Variants in DNAAF4 observed in about 807,000 individuals in gnomAD.
The protein encoded by DNAAF4 is dynein assembly factor 4, axonemal.
Under a neutral mutation model 51.8 loss-of-function variants are expected in DNAAF4, and 43 were observed. The ratio of observed to expected loss-of-function variants is 0.83; its 90% confidence interval spans 0.65 to 1.07. DNAAF4 has a LOEUF of 1.07. Among genes scored for constraint, DNAAF4 ranks in the 50% least tolerant of loss-of-function variants. The pLI, the probability that DNAAF4 is intolerant of heterozygous loss-of-function variation, is 0.00. For missense variants in DNAAF4, 581 were observed against 493.0 expected, an observed-to-expected ratio of 1.18 and a Z score of -1.69; for synonymous variants, 194 against 165.6, an observed-to-expected ratio of 1.17 and a Z score of -1.32.
chr15:55,505,298 G>A (rs950919830), intron 1 of DNAAF4, among the ~76,000 whole-genome samples: 2 of 152,152 alleles, frequency 1.3e-5, no homozygotes, highest in Non-Finnish European at 2.9e-5. Context: ...GGAGAAATAG[G>A]AACACTTTTA....
At chr15:55,455,387 AAT>A (rs10688653) in intron 5 of DNAAF4, among the ~76,000 whole-genome samples, 6,777 of 127,310 alleles carry the variant, frequency 0.053, 235 homozygotes, top group Non-Finnish European at 0.074. Flanking sequence ...TAGCAAATTG[AAT>A]ATATATATAT....
chr15:55,501,780 C>G (rs921143506), intron 1 of DNAAF4, among the ~76,000 whole-genome samples: 1 of 151,844 alleles, frequency 6.6e-6, no homozygotes, highest in Non-Finnish European at 1.5e-5. Flanking sequence ...GGGTGGCTCA[C>G]GCCTGTAATC....
At chr15:55,477,391 T>C (rs1188696089) in intron 4 of DNAAF4, among the ~76,000 whole-genome samples, 1 of 152,126 alleles carries the variant, frequency 6.6e-6, no homozygotes, top group Admixed American at 6.6e-5. Context: ...GAAATAATGA[T>C]TTTTAATGTA....
At chr15:55,497,160 TG>T (rs1242052557) in intron 3 of DNAAF4, among the ~76,000 whole-genome samples, 3 of 152,154 alleles carry the variant, frequency 2.0e-5, no homozygotes, top group South Asian at 2.1e-4. Flanking sequence ...TCTCACCGCT[TG>T]GGGGGTATTC....
At chr15:55,485,648 A>C (rs995946774) in intron 4 of DNAAF4, among the ~76,000 whole-genome samples, 4 of 152,210 alleles carry the variant, frequency 2.6e-5, no homozygotes, top group African/African-American at 9.6e-5. Context: ...ATGATAAAAA[A>C]AAAATTCAAG....
chr15:55,465,389 T>TAAAC (rs200097648), intron 5 of DNAAF4, among the ~76,000 whole-genome samples: 1 of 128,498 alleles, frequency 7.8e-6, no homozygotes, highest in Non-Finnish European at 1.6e-5. Context: ...ATATGGTGTA[T>TAAAC]ATATACACAC....
chr15:55,429,290 C>G (rs144379633), downstream of DNAAF4, among the ~76,000 whole-genome samples: 3 of 148,634 alleles, frequency 2.0e-5, no homozygotes, highest in South Asian at 6.4e-4. Context: ...GAGGCCGAGG[C>G]GGGTGGATCA....
chr15:55,424,161 TGA>T (rs2057410852), intron 7 of DNAAF4, among the ~76,000 whole-genome samples: 2 of 151,986 alleles, frequency 1.3e-5, no homozygotes, highest in South Asian at 4.1e-4. Context: ...AATACAGAAG[TGA>T]GTTAGTTATT....
At chr15:55,418,181 G>A (rs754206278) in intron 7 of DNAAF4, 2 of 1,559,704 alleles carry the variant, frequency 1.3e-6, no homozygotes, top group South Asian at 2.5e-5. Context: ...TTTTTTTTCA[G>A]AACTTTATAA....
At chr15:55,494,621 A>G (rs567610246) in intron 3 of DNAAF4, among the ~76,000 whole-genome samples, 13 of 152,096 alleles carry the variant, frequency 8.5e-5, no homozygotes, top group African/African-American at 2.9e-4. Flanking sequence ...CATGTTGGCC[A>G]GGCTGGTCTC....
downstream of DNAAF4, among the ~76,000 whole-genome samples, chr15:55,427,480 A>T (rs2057442043): frequency 6.6e-6 from 1 of 151,984 alleles, no homozygotes; most frequent in African/African-American, 2.4e-5. Context: ...GTGCTAAGTT[A>T]GTTCCTGGTT....
intron 4 of DNAAF4, among the ~76,000 whole-genome samples, chr15:55,478,522 C>T (rs1350552755): frequency 6.6e-6 from 1 of 152,172 alleles, no homozygotes; most frequent in African/African-American, 2.4e-5. Context: ...AGTCAACATA[C>T]AGCTTAAAGG....
chr15:55,449,696 C>CTTTTTTTTT (rs368060926), intron 6 of DNAAF4, among the ~76,000 whole-genome samples: 2 of 91,724 alleles, frequency 2.2e-5, no homozygotes, highest in Non-Finnish European at 3.9e-5. Flanking sequence ...AAAAAGACCG[C>CTTTTTTTTT]TTTTTTTTTT....
chr15:55,480,112 T>C (rs911499111), intron 4 of DNAAF4, among the ~76,000 whole-genome samples: 26 of 152,102 alleles, frequency 1.7e-4, no homozygotes, highest in African/African-American at 6.3e-4. Flanking sequence ...GCATATGATC[T>C]TTGTATCTAC....
intron 4 of DNAAF4, among the ~76,000 whole-genome samples, chr15:55,474,403 G>T (rs950718126): frequency 6.6e-6 from 1 of 151,750 alleles, no homozygotes; most frequent in Non-Finnish European, 1.5e-5. Flanking sequence ...GCGTGGTGGT[G>T]CATGCCTGTA....
At chr15:55,433,469 AC>A (rs1201919427) in intron 8 of DNAAF4, among the ~76,000 whole-genome samples, 2 of 151,714 alleles carry the variant, frequency 1.3e-5, no homozygotes, top group Non-Finnish European at 2.9e-5. Flanking sequence ...TACTAAAAAT[AC>A]AAAAAATTAG....
At chr15:55,426,225 A>C (rs1415763274), downstream of DNAAF4, among the ~76,000 whole-genome samples, 1 of 152,172 alleles carries the variant, frequency 6.6e-6, no homozygotes, top group East Asian at 1.9e-4. Flanking sequence ...TCTGCAAAAT[A>C]TCTCAAGCAC....
chr15:55,479,127 C>T (rs1320921965), intron 4 of DNAAF4, among the ~76,000 whole-genome samples: 1 of 150,916 alleles, frequency 6.6e-6, no homozygotes, highest in Non-Finnish European at 1.5e-5. Context: ...CCTGAGACAT[C>T]TAGTTGCCTT....
At chr15:55,435,157 T>C in intron 7 of DNAAF4, 99 bp from the exon 8 acceptor site, 5 of 1,297,234 alleles carry the variant, frequency 3.9e-6, no homozygotes, top group Non-Finnish European at 5.2e-6. Context: ...GGCTTACCTC[T>C]TTTTGCATTC....
Sources: allele counts gnomAD v4.1 joint callset (sites outside exome capture counted in the v4.1 genomes callset), GRCh38; gene constraint gnomAD v4.1.1; transcripts MANE v1.5; gene names NCBI Gene and HGNC (gene_info 2026-07-23, HGNC 2026-07-21).